Variants in CAMK4 observed in about 807,000 individuals in gnomAD.
CAMK4 encodes the protein calcium/calmodulin dependent protein kinase IV.
A neutral mutation model predicts 44.9 loss-of-function variants in CAMK4; 22 were observed. The observed-to-expected ratio is 0.49, with a 90% confidence interval of 0.35 to 0.70. The LOEUF (loss-of-function observed/expected upper bound fraction) is 0.70, where lower values mean the gene tolerates loss of function less well. CAMK4 is among the 30% of genes least tolerant of loss of function. The pLI is 0.01. For missense variants in CAMK4, 498 were observed against 586.8 expected (o/e 0.85, Z 1.56); for synonymous variants, 218 against 215.4 (o/e 1.01, Z -0.11).
chr5:111,410,174 C>T (rs1401394715), intron 5 of CAMK4, among the ~76,000 whole-genome samples: 1 of 152,168 alleles, frequency 6.6e-6, no homozygotes, highest in African/African-American at 2.4e-5. Flanking sequence ...TAATGACATA[C>T]CTGAAACTGG....
At chr5:111,389,036 A>C (rs141760203) in intron 4 of CAMK4, among the ~76,000 whole-genome samples, 144 of 152,224 alleles carry the variant, frequency 9.5e-4, no homozygotes, top group African/African-American at 3.3e-3. Flanking sequence ...ATGTAACAAA[A>C]TTTCTTATAC....
intron 1 of CAMK4, among the ~76,000 whole-genome samples, chr5:111,311,412 A>G (rs758460012): frequency 1.8e-4 from 27 of 152,184 alleles, no homozygotes; most frequent in Admixed American, 4.6e-4. Flanking sequence ...TTGAAGAATA[A>G]TTGGTCTTTG....
rs139544365 is a variant in CAMK4, at chr5:111,385,360, A to G, written c.386+8418A>G. Among the ~76,000 whole-genome samples the G allele has an allele frequency of 2.6e-3, 393 of 152,236 alleles. 2 individuals are homozygous for G. The highest frequency in any genetic ancestry group is 4.2e-3 in the Non-Finnish European group (286 of 68,020). ...AATCTTTTGAGCTGACTCTTATGTG[A>G]GAAATTGGAAATTAGCAGGCAGAGG... On this transcript the variant is annotated intron_variant, in intron 4 of 10. Coordinates refer to ENST00000282356, the MANE Select transcript of CAMK4 (RefSeq NM_001744.6).
At chr5:111,467,098 A>T (rs1475782193) in intron 7 of CAMK4, among the ~76,000 whole-genome samples, 1 of 152,144 alleles carries the variant, frequency 6.6e-6, no homozygotes, top group African/African-American at 2.4e-5. Context: ...AGGATACCCT[A>T]TTCGACAAAT....
At chr5:111,326,652 G>A (rs902318368) in intron 1 of CAMK4, among the ~76,000 whole-genome samples, 17 of 148,548 alleles carry the variant, frequency 1.1e-4, no homozygotes, top group Admixed American at 5.4e-4. Context: ...TATGCTTTGC[G>A]TGTCTCTCTG....
chr5:111,311,309 T>C (rs1748193304), intron 1 of CAMK4, among the ~76,000 whole-genome samples: 1 of 152,248 alleles, frequency 6.6e-6, no homozygotes, highest in Admixed American at 6.5e-5. Context: ...AGTCACCACC[T>C]GCACACTTGC....
rs555296346 is a variant in CAMK4, at chr5:111,416,092, GAT to G, written c.459+21313_459+21314del. Among the ~76,000 whole-genome samples, 226 of 152,266 alleles carry G rather than the reference GAT, an allele frequency of 1.5e-3. 1 individual carries two copies. The highest frequency in any genetic ancestry group is 1.7e-3 in the Non-Finnish European group (117 of 68,016). ...GCATCTACATGAATAGAGAGAAAAG[GAT>G]ATTCCAGTAACTGCTGTTGGGGGAG... On this transcript the variant is annotated intron_variant, in intron 5 of 10. Coordinates refer to ENST00000282356, the MANE Select transcript of CAMK4 (RefSeq NM_001744.6).
At chr5:111,362,768 G>C (rs888734614) in intron 2 of CAMK4, among the ~76,000 whole-genome samples, 4 of 151,960 alleles carry the variant, frequency 2.6e-5, no homozygotes, top group Non-Finnish European at 1.5e-5. Flanking sequence ...GAAATATGAG[G>C]AGTAAAGACC....
chr5:111,331,590 C>T (rs1433081354), intron 1 of CAMK4, among the ~76,000 whole-genome samples: 1 of 151,646 alleles, frequency 6.6e-6, no homozygotes, highest in Non-Finnish European at 1.5e-5. Flanking sequence ...CCAGTCTATT[C>T]TTTTGCCTTT....
chr5:111,263,760 CA>C (rs966484828), intron 1 of CAMK4, among the ~76,000 whole-genome samples: 2 of 152,166 alleles, frequency 1.3e-5, no homozygotes, highest in Non-Finnish European at 1.5e-5. Context: ...TCAAAACCCC[CA>C]AAATAGGCTC....
At chr5:111,404,300 A>G (rs143986464) in intron 5 of CAMK4, among the ~76,000 whole-genome samples, 151 of 152,356 alleles carry the variant, frequency 9.9e-4, no homozygotes, top group Non-Finnish European at 1.5e-3. Flanking sequence ...CACTTGGGAC[A>G]CAAGGACACT....
chr5:111,243,626 A>G (rs1034142271), intron 1 of CAMK4, among the ~76,000 whole-genome samples: 3 of 152,150 alleles, frequency 2.0e-5, no homozygotes, highest in South Asian at 4.1e-4. Flanking sequence ...AAAGGCTCCA[A>G]TTTCCCTCTC....
intron 1 of CAMK4, among the ~76,000 whole-genome samples, chr5:111,297,400 C>T (rs915102709): frequency 3.3e-5 from 5 of 152,066 alleles, no homozygotes; most frequent in Admixed American, 1.3e-4. Flanking sequence ...CACTGCACTT[C>T]GTCAAACCTA....
intron 5 of CAMK4, among the ~76,000 whole-genome samples, chr5:111,435,185 A>G (rs1314895113): frequency 6.6e-6 from 1 of 152,102 alleles, no homozygotes; most frequent in African/African-American, 2.4e-5. Context: ...TGGAGCTTTT[A>G]TATTTTTTAA....
At chr5:111,405,028 T>C (rs1475580687) in intron 5 of CAMK4, among the ~76,000 whole-genome samples, 1 of 152,164 alleles carries the variant, frequency 6.6e-6, no homozygotes, top group Non-Finnish European at 1.5e-5. Context: ...ACTGGGTGGA[T>C]AGACACATAA....
chr5:111,262,207 A>G (rs1196682571), intron 1 of CAMK4, among the ~76,000 whole-genome samples: 1 of 151,824 alleles, frequency 6.6e-6, no homozygotes, highest in African/African-American at 2.4e-5. Context: ...GACATTCAAG[A>G]AAATTGCAAT....
intron 2 of CAMK4, among the ~76,000 whole-genome samples, chr5:111,351,454 G>A (rs1750100521): frequency 6.7e-6 from 1 of 149,378 alleles, no homozygotes; most frequent in Admixed American, 6.7e-5. Flanking sequence ...TGTACATGCT[G>A]GAGTGTGATG....
intron 4 of CAMK4, among the ~76,000 whole-genome samples, chr5:111,382,143 ACT>A (rs1751440169): frequency 6.6e-6 from 1 of 152,028 alleles, no homozygotes; most frequent in Non-Finnish European, 1.5e-5. Context: ...CCACTCAATA[ACT>A]CTCTCTTCAC....
At chr5:111,427,151 A>G (rs1175020741) in intron 5 of CAMK4, among the ~76,000 whole-genome samples, 3 of 152,124 alleles carry the variant, frequency 2.0e-5, no homozygotes, top group Non-Finnish European at 4.4e-5. Flanking sequence ...CATCTAGGAT[A>G]CCAGCTCAGC....
Sources: allele counts gnomAD v4.1 joint callset (sites outside exome capture counted in the v4.1 genomes callset), GRCh38; gene constraint gnomAD v4.1.1; transcripts MANE v1.5; gene names NCBI Gene and HGNC (gene_info 2026-07-23, HGNC 2026-07-21).